The following PPARA variants were observed in gnomAD, a reference collection of about 807,000 sequenced individuals.
PPARA encodes peroxisome proliferator activated receptor alpha.
A neutral mutation model predicts 42.2 loss-of-function variants in PPARA; 22 were observed. The ratio of observed to expected loss-of-function variants is 0.52; its 90% CI spans 0.37 to 0.74. PPARA has a LOEUF of 0.74. Among genes scored for constraint, PPARA ranks in the 30% least tolerant of loss-of-function variants. The pLI is 0.00. For missense variants in PPARA, 465 were observed against 608.2 expected (o/e 0.76, Z 2.48); for synonymous variants, 242 against 239.3 (o/e 1.01, Z -0.10).
rs558676000 is a variant in PPARA, at chr22:46,162,779, C to T, written c.-127+10809C>T. 6.6e-6 allele frequency among the ~76,000 whole-genome samples: 1 copy of T among 152,326 alleles called. No homozygotes were observed. Among genetic ancestry groups the T allele is most frequent in the East Asian group, 1.9e-4 (1 of 5,186 alleles). The stretch of plus-strand genomic sequence containing the variant: ...ATGCCACCTCCTTCCTGAAGCCTTC[C>T]TTGCTGCTCCCCCAAACTAGAGGCA... On this transcript the variant is annotated intron_variant, in intron 2 of 8. Transcript: ENST00000407236. This position sits in a 1 kb window ranked among gnomAD's most constrained non-coding sequence, Gnocchi z 6.0.
Position 46,235,617 on chromosome 22 carries a change from C to T in PPARA, c.*237C>T, listed in dbSNP as rs1175293407. ...GCTAATCTCAGGACTGGGAAGATTA[C>T]GGCGAATTATGCTCAATGGTCTGAT... On this transcript the variant is annotated 3_prime_UTR_variant, in exon 9 of 9. Coordinates refer to ENST00000407236, the MANE Select transcript of PPARA (RefSeq NM_005036.6). This position sits in a 1 kb window ranked among gnomAD's most constrained non-coding sequence, Gnocchi z 7.0. 3 of 554,336 alleles carry T rather than the reference C, an allele frequency of 5.4e-6. No homozygotes were observed. Among genetic ancestry groups the T allele is most frequent in the Non-Finnish European group, 9.7e-6 (3 of 310,372 alleles). 34.3% of individuals were successfully genotyped at this position (554,336 alleles called of 1,614,324 possible).
intron 2 of PPARA, among the ~76,000 whole-genome samples, chr22:46,174,208 G>GAGAGAGGGAGAAAGAA (rs1451826361): frequency 4.2e-4 from 43 of 101,340 alleles, no homozygotes; most frequent in African/African-American, 2.6e-3. Context: ...GAGAGAGAGA[G>GAGAGAGGGAGAAAGAA]AGAGAGAGAG....
At chr22:46,169,978 A>G (rs984952953) in intron 2 of PPARA, among the ~76,000 whole-genome samples, 2 of 151,988 alleles carry the variant, frequency 1.3e-5, no homozygotes, top group Non-Finnish European at 2.9e-5. Context: ...AAACTGTTCA[A>G]TGCACTCCCT....
intron 4 of PPARA, among the ~76,000 whole-genome samples, chr22:46,198,853 G>T (rs4253709): frequency 0.33 from 49,273 of 151,594 alleles, 12,797 homozygotes; most frequent in African/African-American, 0.72. Context: ...TAGAGACGGG[G>T]TTTCACTGTG....
rs1282828850 is a variant in PPARA at position 46,239,402 on chromosome 22, G to GC, written c.*4023dup. 6.6e-6 allele frequency: 1 copy of GC among 151,488 alleles called. No homozygotes were observed. The highest frequency in any genetic ancestry group is 1.5e-5 in the Non-Finnish European group (1 of 67,946). The allele number at this position is 151,488 out of a possible 1,614,324, so 9.4% of individuals were successfully genotyped here. ...CAAAAGGCCATGCTAGAGCTGAGGC[G>GC]CACAGCCTGTGGCCTCTGTAGTTAG... On this transcript the variant is annotated 3_prime_UTR_variant, in exon 9 of 9. Transcript: ENST00000407236.
rs977222709 is a variant in PPARA at position 46,195,690 on chromosome 22, T to G, written c.-42-2652T>G. 6.6e-6 allele frequency among the ~76,000 whole-genome samples: 1 copy of G among 152,210 alleles called. No homozygotes were observed. The highest frequency in any genetic ancestry group is 2.4e-5 in the African/African-American group (1 of 41,456). ...CATATTTTTACGCAAATGCATTTAA[T>G]GGGTGAATATTTGCTTTGGGACGGT... On this transcript the variant is annotated intron_variant, in intron 3 of 8. Transcript: ENST00000407236. The surrounding 1 kb of genome is among the most constrained non-coding windows in gnomAD (Gnocchi z 4.6).
chr22:46,197,220 T>A (rs1770952715), intron 3 of PPARA, among the ~76,000 whole-genome samples: 1 of 151,976 alleles, frequency 6.6e-6, no homozygotes, highest in African/African-American at 2.4e-5. Context: ...CAGCTAATTT[T>A]TGTATTTTTA....
Position 46,185,012 on chromosome 22 carries a change from G to A in PPARA, c.-43+8176G>A, listed in dbSNP as rs531352782. On this transcript the variant is annotated intron_variant, in intron 3 of 8. Coordinates refer to ENST00000407236, the MANE Select transcript of PPARA (RefSeq NM_005036.6). ...TATTCATCCATTCCATGGAGTCCCT[G>A]CTGGGCCCTTGCAATCTGGAAATTC... Among the ~76,000 whole-genome samples, 69 of 152,284 alleles carry A rather than the reference G, an allele frequency of 4.5e-4. 1 individual carries two copies. The highest frequency in any genetic ancestry group is 8.7e-4 in the Non-Finnish European group (59 of 68,030).
chr22:46,188,255 G>A lies in PPARA; in HGVS notation c.-42-10087G>A, dbSNP rs1457173691. On this transcript the variant is annotated intron_variant, in intron 3 of 8. Coordinates refer to ENST00000407236, the MANE Select transcript of PPARA (RefSeq NM_005036.6). The surrounding 1 kb of genome is among the most constrained non-coding windows in gnomAD (Gnocchi z 5.0). ...TTCAGAGTTTGTTACACGGTAACAT[G>A]TAACTGATACAACTCTTGGAGCCAG... Among the ~76,000 whole-genome samples, 1 of 152,236 alleles carries A rather than the reference G, an allele frequency of 6.6e-6. No homozygotes were observed. Among genetic ancestry groups the A allele is most frequent in the Non-Finnish European group, 1.5e-5 (1 of 68,042 alleles).
intron 4 of PPARA, among the ~76,000 whole-genome samples, chr22:46,208,917 C>CGT (rs59328365): frequency 1.3e-3 from 194 of 148,826 alleles, no homozygotes; most frequent in Middle Eastern, 0.01. Flanking sequence ...TGTGTGTGTG[C>CGT]GTGTGTGTGT....
rs895018912 is a variant in PPARA at position 46,161,374 on chromosome 22, C to T, written c.-127+9404C>T. On this transcript the variant is annotated intron_variant, in intron 2 of 8. Coordinates refer to ENST00000407236, the MANE Select transcript of PPARA (RefSeq NM_005036.6). The surrounding 1 kb of genome is among the most constrained non-coding windows in gnomAD (Gnocchi z 4.8). ...AATTAGAATTCAGGTGAGTGGATCA[C>T]GAGGTCAAGAGATCGAGACCAGCCT... 3.3e-5 allele frequency among the ~76,000 whole-genome samples: 5 copies of T among 152,082 alleles called. No homozygotes were observed. The highest frequency in any genetic ancestry group is 2.1e-4 in the South Asian group (1 of 4,830).
Position 46,232,680 on chromosome 22 carries a change from A to AAG in PPARA, c.1159+442_1159+443insGA, listed in dbSNP as rs1401201001. 6.6e-6 allele frequency among the ~76,000 whole-genome samples: 1 copy of AAG among 151,220 alleles called. No individual in the cohort carries two copies. The highest frequency in any genetic ancestry group is 1.5e-5 in the Non-Finnish European group (1 of 67,864). ...AAAAAAAAATTATATATTTTGCACA[A>AAG]ATATATATATAGAGAAAAAGAGGTC... On this transcript the variant is annotated intron_variant, in intron 8 of 8. Transcript: ENST00000407236. The surrounding 1 kb of genome is among the most constrained non-coding windows in gnomAD (Gnocchi z 5.3).
rs1201275615 is a variant in PPARA, at chr22:46,221,205, G to A, written c.711+1191G>A. Among the ~76,000 whole-genome samples the A allele has an allele frequency of 6.6e-6, 1 of 152,044 alleles. No individual in the cohort carries two copies. The highest frequency in any genetic ancestry group is 1.5e-5 in the Non-Finnish European group (1 of 68,014). ...TTCACCCATCAGATCTTGTGAGAAC[G>A]CTATCACTAGAGTAGCACCAAGAGG... is the stretch of plus-strand genomic sequence containing the variant. On this transcript the variant is annotated intron_variant, in intron 7 of 8. Transcript: ENST00000407236. This position sits in a 1 kb window ranked among gnomAD's most constrained non-coding sequence, Gnocchi z 5.9.
Position 46,161,118 on chromosome 22 carries a change from T to C in PPARA, c.-127+9148T>C, listed in dbSNP as rs896550172. Among the ~76,000 whole-genome samples, 2 of 152,138 alleles carry C rather than the reference T, an allele frequency of 1.3e-5. No homozygotes were observed. Among genetic ancestry groups the C allele is most frequent in the Non-Finnish European group, 2.9e-5 (2 of 68,022 alleles). The stretch of plus-strand genomic sequence containing the variant: ...AGAACCCAGAGGGAAAATATGGCCA[T>C]GGACTCAGAGAAAACCACGGCAGCT... On this transcript the variant is annotated intron_variant, in intron 2 of 8. Coordinates refer to ENST00000407236, the MANE Select transcript of PPARA (RefSeq NM_005036.6). This position sits in a 1 kb window ranked among gnomAD's most constrained non-coding sequence, Gnocchi z 4.8.
intron 5 of PPARA, among the ~76,000 whole-genome samples, chr22:46,217,559 C>CT (rs1325013291): frequency 6.6e-6 from 1 of 152,050 alleles, no homozygotes; most frequent in Admixed American, 6.6e-5. Context: ...TTAATATACT[C>CT]TTACAAAAAT....
rs931625477 is a variant in PPARA at position 46,195,085 on chromosome 22, T to C, written c.-42-3257T>C. Reference sequence around the variant, plus strand: ...GCCCGGCTAATTTTTGTATTTTTAGTAGAGACGGGGTTTCACCCTGTTGGC... The same window carrying C: ...GCCCGGCTAATTTTTGTATTTTTAGCAGAGACGGGGTTTCACCCTGTTGGC... On this transcript the variant is annotated intron_variant, in intron 3 of 8. Transcript: ENST00000407236. This position sits in a 1 kb window ranked among gnomAD's most constrained non-coding sequence, Gnocchi z 4.6. Among the ~76,000 whole-genome samples the C allele has an allele frequency of 6.7e-6, 1 of 150,316 alleles. No homozygotes were observed. Among genetic ancestry groups the C allele is most frequent in the African/African-American group, 2.5e-5 (1 of 40,794 alleles).
intron 3 of PPARA, among the ~76,000 whole-genome samples, chr22:46,197,224 A>T (rs1260679227): frequency 6.6e-6 from 1 of 150,900 alleles, no homozygotes; most frequent in Non-Finnish European, 1.5e-5. Flanking sequence ...TAATTTTTGT[A>T]TTTTTAGTAG....
intron 3 of PPARA, among the ~76,000 whole-genome samples, chr22:46,181,226 C>T (rs895928754): frequency 2.0e-5 from 3 of 152,106 alleles, no homozygotes; most frequent in African/African-American, 4.8e-5. Context: ...GAACTGGGAG[C>T]GGGGAGGTGT....
In PPARA at chr22:46,190,271, G is replaced by A. The variant is rs935426706; in HGVS notation, c.-42-8071G>A. ...AAGACTTCCATCCTTTACCCTCAAA[G>A]TGTTCCATGAGGTTGGATCAGACAT... On this transcript the variant is annotated intron_variant, in intron 3 of 8. Coordinates refer to ENST00000407236, the MANE Select transcript of PPARA (RefSeq NM_005036.6). This position sits in a 1 kb window ranked among gnomAD's most constrained non-coding sequence, Gnocchi z 5.6. 1.3e-5 allele frequency among the ~76,000 whole-genome samples: 2 copies of A among 152,162 alleles called. No individual in the cohort carries two copies. The highest frequency in any genetic ancestry group is 2.9e-5 in the Non-Finnish European group (2 of 68,040).
Sources: allele counts gnomAD v4.1 joint callset (sites outside exome capture counted in the v4.1 genomes callset), GRCh38; gene constraint gnomAD v4.1.1; non-coding constraint Gnocchi (gnomAD v3.1); transcripts MANE v1.5; gene names NCBI Gene and HGNC (gene_info 2026-07-23, HGNC 2026-07-21).